Variants in ATP6V0A2 observed in about 807,000 individuals in gnomAD.
ATP6V0A2 encodes the protein V-type proton ATPase 116 kDa subunit a 2.
Under a neutral mutation model 104.4 loss-of-function variants are expected in ATP6V0A2, and 58 were observed. That is an observed-to-expected ratio of 0.56 (90% CI 0.45 to 0.69). The LOEUF is 0.69. Among genes scored for constraint, ATP6V0A2 ranks in the 30% least tolerant of loss-of-function variants. The probability of loss-of-function intolerance (pLI) is 0.00; values close to 1 mark genes in which losing one functional copy is unlikely to be tolerated. For synonymous variants in ATP6V0A2, 376 were observed against 397.9 expected, an observed-to-expected ratio of 0.95 and a Z score of 0.65; for missense variants, 938 against 1,062.9, an observed-to-expected ratio of 0.88 and a Z score of 1.63.
At chr12:123,738,131 A>G (rs1956573548) in intron 9 of ATP6V0A2, among the ~76,000 whole-genome samples, 2 of 152,174 alleles carry the variant, frequency 1.3e-5, no homozygotes, top group African/African-American at 4.8e-5. Context: ...TTGGCTGGGC[A>G]CGGTGGCTCA....
chr12:123,727,185 G>A (rs1956455664), intron 5 of ATP6V0A2, among the ~76,000 whole-genome samples: 1 of 152,152 alleles, frequency 6.6e-6, no homozygotes, highest in Admixed American at 6.6e-5. Context: ...CCTGGCTCCT[G>A]CATCCCATGC....
intron 8 of ATP6V0A2, among the ~76,000 whole-genome samples, chr12:123,736,332 T>C (rs2333835): frequency 0.6 from 91,058 of 151,608 alleles, 27,975 homozygotes; most frequent in East Asian, 0.95. Context: ...GCTGGGATTA[T>C]AGGCATGCGC....
In ATP6V0A2 at chr12:123,733,988, G is replaced by GGT; in HGVS notation, c.712_713dup (p.Lys239LeufsTer29). The GGT allele has an allele frequency of 6.2e-7, 1 of 1,613,124 alleles. No individual in the cohort carries two copies. Among genetic ancestry groups the GGT allele is most frequent in the African/African-American group, 1.3e-5 (1 of 75,042 alleles). ...TTTGGGGAGAGCAGATTGGCCACAA[G>GGT]GTTAAGAAGATATGTGATTGGTAAG... On this transcript the variant is annotated frameshift_variant, in exon 7 of 20. Coordinates refer to ENST00000330342, the MANE Select transcript of ATP6V0A2 (RefSeq NM_012463.4). LOFTEE classifies it high-confidence loss of function.
intron 13 of ATP6V0A2, among the ~76,000 whole-genome samples, chr12:123,746,174 G>T (rs368404139): frequency 6.6e-6 from 1 of 151,870 alleles, no homozygotes. Flanking sequence ...GGGAACCAAG[G>T]AAGAAAGTTT....
intron 18 of ATP6V0A2, among the ~76,000 whole-genome samples, chr12:123,755,647 C>T (rs1956756129): frequency 6.7e-6 from 1 of 149,700 alleles, no homozygotes; most frequent in Non-Finnish European, 1.5e-5. Context: ...CAGCAGGAAC[C>T]AAGCACTGTT....
chr12:123,714,009 C>T (rs1459768533), intron 1 of ATP6V0A2, among the ~76,000 whole-genome samples: 1 of 152,206 alleles, frequency 6.6e-6, no homozygotes, highest in Non-Finnish European at 1.5e-5. Context: ...TGCAGTTGTA[C>T]CCATTCACCT....
intron 6 of ATP6V0A2, chr12:123,731,720 C>G (rs1956503658): frequency 6.6e-6 from 1 of 152,262 alleles, no homozygotes; most frequent in South Asian, 2.1e-4. Context: ...AGTGTGAAGT[C>G]AGCTTCCATT....
chr12:123,753,259 C>G (rs530787336), intron 17 of ATP6V0A2, among the ~76,000 whole-genome samples: 20 of 151,888 alleles, frequency 1.3e-4, no homozygotes, highest in African/African-American at 4.8e-4. Context: ...GTGACTGCTG[C>G]CTTAGTCCCC....
rs557223468 is a variant in ATP6V0A2, at chr12:123,735,065, C to T, written c.732-466C>T. Among the ~76,000 whole-genome samples, 175 of 152,074 alleles carry T rather than the reference C, an allele frequency of 1.2e-3. 1 individual carries two copies. The highest frequency in any genetic ancestry group is 4.0e-3 in the African/African-American group (166 of 41,462). ...TCATTCCCTCGTGCAGTCTGGGTGC[C>T]GAGTGGCTGAGTGGCCCTGAGAGGA... On this transcript the variant is annotated intron_variant, in intron 7 of 19. Coordinates refer to ENST00000330342, the MANE Select transcript of ATP6V0A2 (RefSeq NM_012463.4).
At chr12:123,717,530 G>A (rs933762319) in intron 1 of ATP6V0A2, among the ~76,000 whole-genome samples, 3 of 148,242 alleles carry the variant, frequency 2.0e-5, no homozygotes, top group South Asian at 2.1e-4. Context: ...CTGCAATCTC[G>A]ATCTCCTGGG....
chr12:123,721,964 C>T (rs1198987672), intron 2 of ATP6V0A2, among the ~76,000 whole-genome samples: 2 of 152,198 alleles, frequency 1.3e-5, no homozygotes, highest in African/African-American at 2.4e-5. Flanking sequence ...CAAGTGCGCC[C>T]CTAACCTCTG....
intron 1 of ATP6V0A2, among the ~76,000 whole-genome samples, chr12:123,713,389 C>T (rs1020643067): frequency 5.9e-5 from 9 of 152,154 alleles, no homozygotes; most frequent in Admixed American, 4.6e-4. Context: ...GCTGTCTCCC[C>T]AACAAGTAAT....
At position 123,737,259 on chromosome 12, in the gene ATP6V0A2, G is replaced by A; in HGVS notation, c.1026G>A (p.Leu342=). Residue 342 remains leucine (L), a synonymous_variant, in exon 9 of 20, where the codon CTG becomes CTA. Coordinates refer to ENST00000330342, the MANE Select transcript of ATP6V0A2 (RefSeq NM_012463.4). ...ATCTGCAGGACCTGCGCCGGGCACT[G>A]GAGGAGGGCTCGGTAAGGCTGCCTT... ...EADLQDLRRA[L]EEGSRESGAT... The A allele has an allele frequency of 6.2e-7, 1 of 1,614,156 alleles. No homozygotes were observed. The highest frequency in any genetic ancestry group is 8.5e-7 in the Non-Finnish European group (1 of 1,180,028).
chr12:123,747,158 C>T (rs1956670517), intron 13 of ATP6V0A2, among the ~76,000 whole-genome samples: 1 of 152,168 alleles, frequency 6.6e-6, no homozygotes, highest in Non-Finnish European at 1.5e-5. Flanking sequence ...ATTGTATTCA[C>T]AGCTAAACTT....
intron 1 of ATP6V0A2, among the ~76,000 whole-genome samples, chr12:123,716,564 C>A (rs1956341482): frequency 6.6e-6 from 1 of 151,886 alleles, no homozygotes; most frequent in Non-Finnish European, 1.5e-5. Flanking sequence ...GCTGAGGCAG[C>A]CACATCACTT....
intron 4 of ATP6V0A2, among the ~76,000 whole-genome samples, chr12:123,725,676 C>T (rs1342823929): frequency 2.0e-5 from 3 of 151,754 alleles, no homozygotes; most frequent in South Asian, 2.1e-4. Flanking sequence ...GTCCCAGCTA[C>T]CAAGGAGGCT....
chr12:123,729,008 C>T (rs1159110043), intron 6 of ATP6V0A2, among the ~76,000 whole-genome samples: 3 of 147,164 alleles, frequency 2.0e-5, no homozygotes, highest in African/African-American at 7.5e-5. Context: ...GATTAAGGCA[C>T]TTCTCTTTAG....
rs181988866 is a variant in ATP6V0A2 at position 123,716,105 on chromosome 12, C to T, written c.118-2518C>T. The stretch of plus-strand genomic sequence containing the variant: ...TTTTGAGATGGAGTCTCAATTCTGT[C>T]GCCCAGGATGGAGTGCAGTGGCGCG... On this transcript the variant is annotated intron_variant, in intron 1 of 19. Transcript: ENST00000330342. 9.4e-4 allele frequency among the ~76,000 whole-genome samples: 142 copies of T among 150,436 alleles called. 1 individual carries two copies. The highest frequency in any genetic ancestry group is 9.5e-4 in the African/African-American group (39 of 40,858).
intron 16 of ATP6V0A2, among the ~76,000 whole-genome samples, 198 bp from the exon 17 acceptor site, chr12:123,752,085 C>T (rs1465116010): frequency 1.3e-5 from 2 of 152,116 alleles, no homozygotes; most frequent in African/African-American, 2.4e-5. Flanking sequence ...GTCTTGAACT[C>T]CTGACCTCAG....
Sources: gnomAD v4.1 joint callset for allele counts (sites outside exome capture counted in the v4.1 genomes callset) on GRCh38, gnomAD v4.1.1 for gene constraint, MANE v1.5 for transcripts, NCBI Gene and HGNC (gene_info 2026-07-23, HGNC 2026-07-21) for gene names.